NSUN3: variants seen among roughly 807,000 people sequenced by gnomAD.
NSUN3 encodes the protein tRNA (cytosine(34)-C(5))-methyltransferase, mitochondrial.
NSUN3 carries 24 observed loss-of-function variants against 36.8 expected under a neutral mutation model. That is an observed-to-expected ratio of 0.65 (90% confidence interval 0.47 to 0.92). The LOEUF is 0.92. Ranked by LOEUF, NSUN3 falls within the 40% of genes least tolerant of loss-of-function variation. NSUN3 has a pLI of 0.00. For missense variants in NSUN3, 381 were observed against 392.8 expected, an observed-to-expected ratio of 0.97 and a Z score of 0.25; for synonymous variants, 146 against 145.2, an observed-to-expected ratio of 1.01 and a Z score of -0.04.
chr3:94,123,068 C>T (rs1464320256), intron 5 of NSUN3, among the ~76,000 whole-genome samples: 4 of 151,986 alleles, frequency 2.6e-5, no homozygotes, highest in African/African-American at 9.7e-5. Context: ...TTGATCTCTC[C>T]CTTTCCCTCC....
chr3:94,095,101 C>G lies in NSUN3; in HGVS notation c.690C>G (p.Ser230=), dbSNP rs746578609. ...TTTCTTCTGACTCTCAGAAGGCATC[C>G]TGTAGGATAAGTCAAAGGAGGAATT... ...WLFSSDSQKA[S]CRISQRRNLP... Residue 230 remains serine (S), a synonymous_variant, in exon 5 of 6, where the codon TCC becomes TCG. Transcript: ENST00000314622. 30 of 1,613,770 alleles carry G rather than the reference C, an allele frequency of 1.9e-5. No homozygotes were observed. In the South Asian group the frequency reaches 3.1e-4, roughly 17 times the overall value.
intron 2 of NSUN3, among the ~76,000 whole-genome samples, chr3:94,083,779 G>A (rs1243679968): frequency 6.6e-6 from 1 of 152,176 alleles, no homozygotes; most frequent in Non-Finnish European, 1.5e-5. Flanking sequence ...TCGGAAGTCA[G>A]TATGAAATGG....
At chr3:94,097,492 G>C (rs964175263) in intron 5 of NSUN3, among the ~76,000 whole-genome samples, 1 of 151,690 alleles carries the variant, frequency 6.6e-6, no homozygotes, top group African/African-American at 2.4e-5. Flanking sequence ...TCTATTTCTG[G>C]ATATTTACAT....
rs930241221 is a variant in NSUN3 at position 94,063,303 on chromosome 3, A to G, written c.12+165A>G. 4.0e-6 allele frequency: 3 copies of G among 743,778 alleles called. No individual in the cohort carries two copies. The African/African-American group carries it at 5.2e-5, about 13-fold the overall frequency. 46.1% of individuals were successfully genotyped at this position (743,778 alleles called of 1,614,324 possible). A position where few individuals can be genotyped will look rare whatever the true frequency, so the allele number is the denominator to read the frequency against. ...ACTGTCAAGCCCTGAAATAATGCTG[A>G]GTGCTGTAATGCTGAGTCCCTTCCG... is the stretch of plus-strand genomic sequence containing the variant. On this transcript the variant is annotated intron_variant, in intron 1 of 5. Transcript: ENST00000314622.
chr3:94,129,052 G>A lies in NSUN3; in HGVS notation c.*2562G>A, dbSNP rs2077499580. 6.6e-6 allele frequency among the ~76,000 whole-genome samples: 1 copy of A among 152,162 alleles called. No individual in the cohort carries two copies. Among genetic ancestry groups the A allele is most frequent in the African/African-American group, 2.4e-5 (1 of 41,434 alleles). Reference sequence around the variant, plus strand: ...AGGAACTGCTTATGAACTGTTGGTGGAAATGTAAATTACTTCAGCCTCTAT... The same window carrying A: ...AGGAACTGCTTATGAACTGTTGGTGAAAATGTAAATTACTTCAGCCTCTAT... On this transcript the variant is annotated 3_prime_UTR_variant, in exon 6 of 6. Coordinates refer to ENST00000314622, the MANE Select transcript of NSUN3 (RefSeq NM_022072.5).
intron 3 of NSUN3, among the ~76,000 whole-genome samples, chr3:94,090,587 T>TG (rs1167643432): frequency 6.6e-6 from 1 of 152,194 alleles, no homozygotes; most frequent in East Asian, 1.9e-4. Context: ...ATAGAAATGA[T>TG]GAAGACTTCT....
At chr3:94,070,415 C>T (rs143932820) in intron 2 of NSUN3, among the ~76,000 whole-genome samples, 140 of 152,200 alleles carry the variant, frequency 9.2e-4, no homozygotes, top group Middle Eastern at 3.4e-3. Context: ...GAGCCATGAT[C>T]GCACAGCTGT....
chr3:94,072,278 A>C (rs568247339), intron 2 of NSUN3, among the ~76,000 whole-genome samples: 110 of 152,216 alleles, frequency 7.2e-4, no homozygotes, highest in African/African-American at 2.6e-3. Context: ...CTTCTGTTAG[A>C]CTTTAAAGTC....
rs144890771 is a variant in NSUN3, at chr3:94,121,391, G to C, written c.744-4820G>C. On this transcript the variant is annotated intron_variant, in intron 5 of 5. Transcript: ENST00000314622. ...TTTGTGATTACATCAGGCCCACTCG[G>C]ATAATCCAGGATAATCTCCCCATTG... Among the ~76,000 whole-genome samples the C allele has an allele frequency of 4.1e-4, 63 of 152,236 alleles. 1 individual carries two copies. The highest frequency in any genetic ancestry group is 1.3e-3 in the African/African-American group (55 of 41,544).
At chr3:94,094,505 T>C (rs919089588) in intron 4 of NSUN3, among the ~76,000 whole-genome samples, 1 of 152,204 alleles carries the variant, frequency 6.6e-6, no homozygotes, top group Non-Finnish European at 1.5e-5. Flanking sequence ...TTGAGGATTA[T>C]AGAATGTTTT....
chr3:94,122,132 C>A (rs1389681509), intron 5 of NSUN3, among the ~76,000 whole-genome samples: 3 of 125,570 alleles, frequency 2.4e-5, no homozygotes, highest in Admixed American at 1.8e-4. Flanking sequence ...GCAACAAGAG[C>A]AAGACTCATC....
intron 5 of NSUN3, 93 bp from the exon 6 acceptor site, chr3:94,126,118 G>A: frequency 9.9e-7 from 1 of 1,010,018 alleles, no homozygotes; most frequent in South Asian, 1.7e-5. Flanking sequence ...TCAGAGTAAG[G>A]TTAGTTTTAA....
At chr3:94,085,578 A>G (rs1269054056) in intron 3 of NSUN3, among the ~76,000 whole-genome samples, 1 of 152,152 alleles carries the variant, frequency 6.6e-6, no homozygotes, top group Non-Finnish European at 1.5e-5. Flanking sequence ...GCAACATGGG[A>G]AAACCCTGTC....
rs535213139 is a variant in NSUN3, at chr3:94,126,268, T to C, written c.801T>C (p.Leu267=). 1 of 1,614,140 alleles carries C rather than the reference T, an allele frequency of 6.2e-7. No homozygotes were observed. Among genetic ancestry groups the C allele is most frequent in the African/African-American group, 1.3e-5 (1 of 75,040 alleles). The change falls in exon 6 of 6, where the codon CTT becomes CTC. Residue 267 remains leucine (L), a synonymous_variant. Coordinates refer to ENST00000314622, the MANE Select transcript of NSUN3 (RefSeq NM_022072.5). The part of the protein sequence containing the change: ...GGILVYSTCT[L]SKAENQDVIS... ...TACTTGTATACTCTACATGCACGCT[T>C]TCCAAGGCAGAAAATCAAGATGTGA...
chr3:94,068,035 T>C (rs1407147140), intron 2 of NSUN3, among the ~76,000 whole-genome samples: 1 of 152,070 alleles, frequency 6.6e-6, no homozygotes, highest in East Asian at 1.9e-4. Context: ...AATGCCTTTT[T>C]CCCTTCTCCC....
chr3:94,120,623 TA>T (rs2077457434), intron 5 of NSUN3, among the ~76,000 whole-genome samples: 1 of 152,262 alleles, frequency 6.6e-6, no homozygotes, highest in Non-Finnish European at 1.5e-5. Flanking sequence ...TGCTGAATAA[TA>T]TTTCATCATA....
chr3:94,094,367 T>G (rs1359049364), intron 4 of NSUN3, 73 bp downstream of exon 4: 53 of 1,437,904 alleles, frequency 3.7e-5, no homozygotes, highest in Non-Finnish European at 4.9e-5. Flanking sequence ...GTGGTTGTTA[T>G]TTTCCATCTG....
intron 5 of NSUN3, among the ~76,000 whole-genome samples, chr3:94,123,973 G>A (rs62265497): frequency 2.8e-3 from 422 of 151,562 alleles, no homozygotes; most frequent in Non-Finnish European, 3.7e-3. Context: ...GTGCAAACCT[G>A]TACATATATG....
intron 5 of NSUN3, among the ~76,000 whole-genome samples, chr3:94,121,094 G>A (rs2077459353): frequency 6.6e-6 from 1 of 152,144 alleles, no homozygotes; most frequent in Non-Finnish European, 1.5e-5. Flanking sequence ...CAAATTTAGT[G>A]GCTTTAAATA....
Sources: gnomAD v4.1 joint callset for allele counts (sites outside exome capture counted in the v4.1 genomes callset) on GRCh38, gnomAD v4.1.1 for gene constraint, MANE v1.5 for transcripts, NCBI Gene and HGNC (gene_info 2026-07-23, HGNC 2026-07-21) for gene names.